Variants in ADGRV1 observed in about 807,000 individuals in gnomAD.
ADGRV1 encodes G-protein coupled receptor 98.
ADGRV1 carries 359 observed loss-of-function variants against 596.2 expected under a neutral mutation model. The ratio of observed to expected loss-of-function variants is 0.60; its 90% CI spans 0.55 to 0.66. The LOEUF (loss-of-function observed/expected upper bound fraction) is 0.66, where lower values mean the gene tolerates loss of function less well. Ranked by LOEUF, ADGRV1 falls within the 30% of genes least tolerant of loss-of-function variation. The pLI is 0.00. For missense variants in ADGRV1, 7,274 were observed against 7,575.6 expected, an observed-to-expected ratio of 0.96 and a Z score of 1.48; for synonymous variants, 2,681 against 2,679.2, an observed-to-expected ratio of 1.00 and a Z score of -0.02.
At position 90,853,518 on chromosome 5, in the gene ADGRV1, T is replaced by G; in HGVS notation, c.17439T>G (p.Pro5813=). 1 of 1,610,510 alleles carries G rather than the reference T, an allele frequency of 6.2e-7. No homozygotes were observed. The highest frequency in any genetic ancestry group is 1.3e-5 in the African/African-American group (1 of 75,008). Reference sequence around the variant, plus strand: ...GGTTTATAAGTGGAAACAATCTTCCTACCCTAAAAAATAAGGTAATCTTTC... The same window carrying G: ...GGTTTATAAGTGGAAACAATCTTCCGACCCTAAAAAATAAGGTAATCTTTC... ...QQWFISGNNL[P]TLKNKVLSLS... The change falls in exon 80 of 90, where the codon CCT becomes CCG. Residue 5813 remains proline, a synonymous_variant. Coordinates refer to ENST00000405460, the MANE Select transcript of ADGRV1 (RefSeq NM_032119.4).
At chr5:90,936,071 A>G (rs1775660429) in intron 83 of ADGRV1, among the ~76,000 whole-genome samples, 1 of 152,236 alleles carries the variant, frequency 6.6e-6, no homozygotes, top group Non-Finnish European at 1.5e-5. Context: ...CTGCATTTGT[A>G]ATAAGTTACC....
intron 9 of ADGRV1, among the ~76,000 whole-genome samples, chr5:90,631,180 GA>G (rs1263100058): frequency 6.6e-6 from 1 of 152,158 alleles, no homozygotes; most frequent in Non-Finnish European, 1.5e-5. Context: ...TTGCAGATGA[GA>G]AATTTGAAGG....
intron 10 of ADGRV1, among the ~76,000 whole-genome samples, chr5:90,636,102 AT>A (rs1304981692): frequency 6.6e-6 from 1 of 151,986 alleles, no homozygotes; most frequent in African/African-American, 2.4e-5. Flanking sequence ...ATATATGTAA[AT>A]TTTTGCATAT....
chr5:90,943,362 C>T (rs1200933300), intron 83 of ADGRV1, among the ~76,000 whole-genome samples: 1 of 152,108 alleles, frequency 6.6e-6, no homozygotes, highest in African/African-American at 2.4e-5. Context: ...ACTTCCTGGC[C>T]TTATGACCTT....
chr5:90,650,613 A>C (rs1267532288), intron 17 of ADGRV1, among the ~76,000 whole-genome samples: 6 of 152,230 alleles, frequency 3.9e-5, no homozygotes, highest in African/African-American at 1.4e-4. Context: ...TTCAGCAATA[A>C]ATAAATTCTG....
intron 70 of ADGRV1, among the ~76,000 whole-genome samples, chr5:90,795,945 A>G (rs1760658616): frequency 6.6e-6 from 1 of 152,216 alleles, no homozygotes; most frequent in South Asian, 2.1e-4. Context: ...AAGGAGCAGC[A>G]CATCCACTCA....
chr5:90,585,404 A>G (rs531329194), intron 1 of ADGRV1, among the ~76,000 whole-genome samples: 1 of 152,280 alleles, frequency 6.6e-6, no homozygotes, highest in South Asian at 2.1e-4. Flanking sequence ...GGAGAGTATG[A>G]TTTTTTGCTT....
In ADGRV1 at chr5:90,642,761, A is replaced by C. The variant is rs755586003; in HGVS notation, c.2366A>C (p.Lys789Thr). ...GCTTCCAGAGGACCCTATGTTATAA[A>C]AGTAAGTACGAAAAAAACTTCCATT... ...SPASRGPYVI[K>T]EGESVELHII... The change falls in exon 12 of 90, where the codon AAA becomes ACA. Residue 789 changes from lysine (K) to threonine (T), a missense_variant and splice_region_variant. Coordinates refer to ENST00000405460, the MANE Select transcript of ADGRV1 (RefSeq NM_032119.4). 6.2e-7 allele frequency: 1 copy of C among 1,610,992 alleles called. No homozygotes were observed. The highest frequency in any genetic ancestry group is 8.5e-7 in the Non-Finnish European group (1 of 1,178,940).
intron 48 of ADGRV1, 25 bp downstream of exon 48, chr5:90,725,681 G>C (rs760911584): frequency 1.9e-6 from 2 of 1,052,374 alleles, no homozygotes; most frequent in Admixed American, 4.3e-5. Flanking sequence ...AAATGAAGTG[G>C]GTTTTTTTTT....
intron 84 of ADGRV1, among the ~76,000 whole-genome samples, chr5:90,969,787 C>T (rs986354795): frequency 2.6e-5 from 4 of 152,202 alleles, no homozygotes; most frequent in African/African-American, 9.7e-5. Context: ...GTCTACAGCT[C>T]CTAGCGTGAG....
chr5:91,157,173 G>T (rs1240909586), intron 89 of ADGRV1, among the ~76,000 whole-genome samples: 1 of 152,048 alleles, frequency 6.6e-6, no homozygotes, highest in Non-Finnish European at 1.5e-5. Flanking sequence ...CTTCACTATG[G>T]CCCATTCCAA....
At chr5:91,038,536 G>A (rs964995627) in intron 85 of ADGRV1, among the ~76,000 whole-genome samples, 1 of 152,152 alleles carries the variant, frequency 6.6e-6, no homozygotes, top group Non-Finnish European at 1.5e-5. Flanking sequence ...AAGTGTAGTT[G>A]TCAGACCTGG....
rs77728609 is a variant in ADGRV1, at chr5:90,725,070, A to C, written c.9907-16A>C. 394 of 1,532,110 alleles carry C rather than the reference A, an allele frequency of 2.6e-4. 9 individuals are homozygous for C. In the East Asian group the frequency reaches 7.0e-3, roughly 27 times the overall value. The allele number at this position is 1,532,110 out of a possible 1,614,324, so 94.9% of individuals were successfully genotyped here. The stretch of plus-strand genomic sequence containing the variant: ...ATGTATAATGAATAACTGTATTCTT[A>C]TTCCTCATTTTCTAGGATTTAAATA... On this transcript the variant is annotated splice_polypyrimidine_tract_variant and intron_variant, in intron 46 of 89. Transcript: ENST00000405460.
At chr5:90,818,513 C>T (rs1763145229) in intron 75 of ADGRV1, among the ~76,000 whole-genome samples, 1 of 149,860 alleles carries the variant, frequency 6.7e-6, no homozygotes, top group Non-Finnish European at 1.5e-5. Context: ...GGGAATGCTT[C>T]CAGTTTTTGC....
chr5:90,757,154 A>T lies in ADGRV1; in HGVS notation c.11933A>T (p.Asp3978Val), dbSNP rs199778983. The T allele has an allele frequency of 3.1e-6, 5 of 1,613,690 alleles. No individual in the cohort carries two copies. The Admixed American group carries it at 8.3e-5, about 27-fold the overall frequency. ...TCTCATGGGATTCTTGAATTTGCAG[A>T]TAAACAGGTATGCCAGTCATTAACA... ...KPSHGILEFA[D>V]KQVTAMIEIT... Residue 3978 changes from aspartate (D) to valine (V), a missense_variant, in exon 57 of 90, where the codon GAT becomes GTT. Physicochemically the swap from Asp to Val is radical, Grantham distance 152. Around this residue, in one of 5 missense-constraint regions of ADGRV1, gnomAD observed 3,643 missense variants for 3,809.2 expected, o/e 0.96. Coordinates refer to ENST00000405460, the MANE Select transcript of ADGRV1 (RefSeq NM_032119.4).
At chr5:90,860,252 CA>C (rs1005730611) in intron 82 of ADGRV1, among the ~76,000 whole-genome samples, 2 of 152,104 alleles carry the variant, frequency 1.3e-5, no homozygotes. Flanking sequence ...CCCTAATACA[CA>C]GAACTTTTAT....
At chr5:90,635,958 A>G (rs547451119) in intron 10 of ADGRV1, among the ~76,000 whole-genome samples, 3 of 147,050 alleles carry the variant, frequency 2.0e-5, no homozygotes, top group Non-Finnish European at 3.0e-5. Context: ...TGCTTGACCT[A>G]CTTCATTTCT....
chr5:90,909,639 G>T (rs1022056578), intron 83 of ADGRV1, among the ~76,000 whole-genome samples: 7 of 127,512 alleles, frequency 5.5e-5, no homozygotes, highest in Non-Finnish European at 7.4e-5. Flanking sequence ...AAAAGAGAGA[G>T]AGAGACAGAG....
chr5:90,843,136 T>G (rs1765577317), intron 78 of ADGRV1, among the ~76,000 whole-genome samples: 1 of 152,192 alleles, frequency 6.6e-6, no homozygotes, highest in African/African-American at 2.4e-5. Context: ...TAGGTTGTTT[T>G]GGGGTTATTT....
Sources: gnomAD v4.1 joint callset for allele counts (sites outside exome capture counted in the v4.1 genomes callset) on GRCh38, gnomAD v4.1.1 for gene constraint, gnomAD v4.1.1 regional missense constraint, MANE v1.5 for transcripts, NCBI Gene and HGNC (gene_info 2026-07-23, HGNC 2026-07-21) for gene names.